Variants in SCAP observed in about 807,000 individuals in gnomAD.
The protein encoded by SCAP is SREBF chaperone.
A neutral mutation model predicts 123.6 loss-of-function variants in SCAP; 65 were observed. The observed-to-expected ratio is 0.53, with a 90% CI of 0.43 to 0.65. SCAP has a LOEUF of 0.65. Among genes scored for constraint, SCAP ranks in the 30% least tolerant of loss-of-function variants. SCAP has a pLI of 0.00. For synonymous variants in SCAP, 740 were observed against 726.3 expected (o/e 1.02, Z -0.30); for missense variants, 1,398 against 1,712.5 (o/e 0.82, Z 3.24).
intron 18 of SCAP, among the ~76,000 whole-genome samples, chr3:47,416,204 C>T (rs550936480): frequency 6.0e-4 from 92 of 152,330 alleles, no homozygotes; most frequent in African/African-American, 2.2e-3. Flanking sequence ...CAGGCAAAGG[C>T]GTCCGGCAGA....
At position 47,421,205 on chromosome 3, in the gene SCAP, C is replaced by A. The variant is rs150427686; in HGVS notation, c.1246-176G>T. 98 of 633,434 alleles carry A rather than the reference C, an allele frequency of 1.5e-4. 1 individual carries two copies. Among genetic ancestry groups the A allele is most frequent in the East Asian group, 1.5e-3 (53 of 36,372 alleles). 39.2% of individuals were successfully genotyped at this position (633,434 alleles called of 1,614,324 possible). A position where few individuals can be genotyped will look rare whatever the true frequency, so the allele number is the denominator to read the frequency against. On this transcript the variant is annotated intron_variant, in intron 10 of 22. Coordinates refer to ENST00000265565, the MANE Select transcript of SCAP (RefSeq NM_012235.4). ...CTCACATACCAGCAGCAGCTCACCC[C>A]GTCTCCACCAGGGGGCAGAAGAAAC...
intron 2 of SCAP, among the ~76,000 whole-genome samples, chr3:47,438,613 A>C (rs1467510450): frequency 6.6e-6 from 1 of 152,150 alleles, no homozygotes; most frequent in East Asian, 1.9e-4. Context: ...CAGGAGTTCA[A>C]GACCAGCCTG....
rs199884823 is a variant in SCAP at position 47,415,132 on chromosome 3, C to T, written c.3105G>A (p.Glu1035=). ...GCAGGGGGCTGAGGGCAGTGTGGGT[C>T]TCCAAGGAGAAGAAATCAAGGGAAC... The part of the protein sequence containing the change: ...LNGSLDFFSL[E]THTALSPLQF... Residue 1035 remains glutamate, a synonymous_variant, in exon 19 of 23, where the codon GAG becomes GAA. Transcript: ENST00000265565. 19 of 1,612,326 alleles carry T rather than the reference C, an allele frequency of 1.2e-5. No homozygotes were observed. The highest frequency in any genetic ancestry group is 1.4e-5 in the Non-Finnish European group (17 of 1,179,576).
chr3:47,428,029 C>T lies in SCAP; in HGVS notation c.411-362G>A, dbSNP rs116616542. On this transcript the variant is annotated intron_variant, in intron 4 of 22. Coordinates refer to ENST00000265565, the MANE Select transcript of SCAP (RefSeq NM_012235.4). ...TTTAGTTCACCAAAATATCTGTCAACGCCACTAGCTAACTAAAACCTGGCA... is the reference window on the plus strand; with the variant it reads ...TTTAGTTCACCAAAATATCTGTCAATGCCACTAGCTAACTAAAACCTGGCA... Among the ~76,000 whole-genome samples the T allele has an allele frequency of 1.3e-3, 194 of 152,274 alleles. 1 individual carries two copies. Among genetic ancestry groups the T allele is most frequent in the African/African-American group, 4.0e-3 (165 of 41,534 alleles).
At chr3:47,469,140 G>A (rs541842677) in intron 1 of SCAP, among the ~76,000 whole-genome samples, 7 of 152,284 alleles carry the variant, frequency 4.6e-5, no homozygotes, top group Admixed American at 2.0e-4. Flanking sequence ...TTGAGGTCAG[G>A]AGTTCAAGAC....
In SCAP at chr3:47,425,983, TG is replaced by T. The variant is rs1168769319; in HGVS notation, c.910+13del. On this transcript the variant is annotated intron_variant, in intron 7 of 22. Coordinates refer to ENST00000265565, the MANE Select transcript of SCAP (RefSeq NM_012235.4). ...GCTTGGAGAAAGCCCTCAGCCTCCC[TG>T]CCATGAACCTACGCGTGGAGAAGTA... is the stretch of plus-strand genomic sequence containing the variant. The T allele has an allele frequency of 6.2e-7, 1 of 1,613,672 alleles. No individual in the cohort carries two copies. The highest frequency in any genetic ancestry group is 1.3e-5 in the African/African-American group (1 of 74,920).
chr3:47,455,712 T>C (rs1473539881), intron 1 of SCAP, among the ~76,000 whole-genome samples: 1 of 150,838 alleles, frequency 6.6e-6, no homozygotes, highest in Non-Finnish European at 1.5e-5. Flanking sequence ...AAAGTCAATA[T>C]AACGTAACCA....
At chr3:47,449,617 G>C (rs1443839732) in intron 1 of SCAP, among the ~76,000 whole-genome samples, 1 of 124,398 alleles carries the variant, frequency 8.0e-6, no homozygotes, top group Non-Finnish European at 1.8e-5. Context: ...CCTGACCCAT[G>C]AGGATCCCCT....
Position 47,417,637 on chromosome 3 carries a change from G to A in SCAP, c.2637C>T (p.Thr879=). The A allele has an allele frequency of 1.2e-6, 2 of 1,609,014 alleles. No homozygotes were observed. Among genetic ancestry groups the A allele is most frequent in the Non-Finnish European group, 1.7e-6 (2 of 1,178,378 alleles). ...DQPDLTCLID[T]NFSAQPRSSQ... ...AGGACCGAGGCTGCGCTGAAAAGTTGGTGTCAATTAAGCAGGTGAGGTCAG... is the reference window on the plus strand; with the variant it reads ...AGGACCGAGGCTGCGCTGAAAAGTTAGTGTCAATTAAGCAGGTGAGGTCAG... Residue 879 remains threonine, a synonymous_variant, in exon 17 of 23, where the codon ACC becomes ACT. Coordinates refer to ENST00000265565, the MANE Select transcript of SCAP (RefSeq NM_012235.4).
intron 2 of SCAP, among the ~76,000 whole-genome samples, chr3:47,440,433 T>A (rs933718449): frequency 1.3e-5 from 2 of 152,070 alleles, no homozygotes; most frequent in African/African-American, 4.8e-5. Flanking sequence ...TATTAGTCTT[T>A]GGAGGCTGAG....
intron 9 of SCAP, 92 bp downstream of exon 9, chr3:47,423,841 C>A (rs1292361267): frequency 8.9e-6 from 8 of 897,742 alleles, no homozygotes; most frequent in Non-Finnish European, 9.0e-6. Flanking sequence ...ATTTCAAGGG[C>A]TCTGTTTGCT....
rs1446395828 is a variant in SCAP at position 47,442,922 on chromosome 3, G to A, written c.72C>T (p.Ser24=). The change falls in exon 2 of 23, where the codon TCC becomes TCT. Residue 24 remains serine (S), a synonymous_variant. Coordinates refer to ENST00000265565, the MANE Select transcript of SCAP (RefSeq NM_012235.4). ...TGAAGAGGATGATGGGGATGGGATAGGATGCACAGAGGAGCCCATGGTTGT... is the reference window on the plus strand; with the variant it reads ...TGAAGAGGATGATGGGGATGGGATAAGATGCACAGAGGAGCCCATGGTTGT... ...AFYNHGLLCA[S]YPIPIILFTG... 3.1e-6 allele frequency: 5 copies of A among 1,614,054 alleles called. No homozygotes were observed. The highest frequency in any genetic ancestry group is 4.2e-6 in the Non-Finnish European group (5 of 1,180,030).
rs1707179783 is a variant in SCAP at position 47,449,886 on chromosome 3, C to G, written c.-98-6795G>C. ...TCTGTCCAGGGATTTCAGTTGCTCT[C>G]TTCAGACATAAAGGGTGGAGTATGT... On this transcript the variant is annotated intron_variant, in intron 1 of 22. Coordinates refer to ENST00000265565, the MANE Select transcript of SCAP (RefSeq NM_012235.4). Among the ~76,000 whole-genome samples the G allele has an allele frequency of 5.6e-5, 7 of 125,528 alleles. 3 individuals are homozygous for G. In the Admixed American group the frequency reaches 6.1e-4, roughly 11 times the overall value. 82.4% of individuals were successfully genotyped at this position (125,528 alleles called of 152,430 possible). A position where few individuals can be genotyped will look rare whatever the true frequency, so the allele number is the denominator to read the frequency against.
intron 1 of SCAP, among the ~76,000 whole-genome samples, chr3:47,473,761 C>T (rs371492665): frequency 1.3e-5 from 2 of 152,166 alleles, no homozygotes; most frequent in East Asian, 1.9e-4. Context: ...TGCAGTGAAG[C>T]CCACAGGCAC....
At chr3:47,435,678 G>A (rs996250233) in intron 2 of SCAP, among the ~76,000 whole-genome samples, 14 of 151,988 alleles carry the variant, frequency 9.2e-5, no homozygotes, top group African/African-American at 3.1e-4. Context: ...AAGCAACCGT[G>A]CCTGGCTAGT....
At chr3:47,422,586 C>T (rs758285583) in intron 9 of SCAP, 50 bp from the exon 10 acceptor site, 2 of 1,458,418 alleles carry the variant, frequency 1.4e-6, no homozygotes, top group Admixed American at 3.6e-5. Flanking sequence ...CACTCTGCGA[C>T]ATGACTCACA....
intron 13 of SCAP, 54 bp from the exon 14 acceptor site, chr3:47,418,897 G>A: frequency 6.9e-7 from 1 of 1,443,012 alleles, no homozygotes; most frequent in South Asian, 1.5e-5. Flanking sequence ...GCTTCCTCCT[G>A]CTGTGCTCGC....
At chr3:47,429,679 TAG>T (rs1706283350) in intron 3 of SCAP, among the ~76,000 whole-genome samples, 17 of 152,198 alleles carry the variant, frequency 1.1e-4, no homozygotes, top group Admixed American at 1.1e-3. Flanking sequence ...CCAGGCTGGT[TAG>T]TGCCTGTTTT....
chr3:47,418,579 CTCCCTCTCCCCTACTCTTGCCTACCCG>C, intron 14 of SCAP, 49 bp downstream of exon 14: 1 of 1,548,536 alleles, frequency 6.5e-7, no homozygotes, highest in Non-Finnish European at 8.7e-7. Flanking sequence ...CCCTCCCCTC[CTCCCTCTCCCCTACTCTTGCCTACCCG>C]TCCCCCTCCC....
Sources: gnomAD v4.1 joint callset for allele counts (sites outside exome capture counted in the v4.1 genomes callset) on GRCh38, gnomAD v4.1.1 for gene constraint, MANE v1.5 for transcripts, NCBI Gene and HGNC (gene_info 2026-07-23, HGNC 2026-07-21) for gene names.